EPHA7: variants seen among roughly 807,000 people sequenced by gnomAD.
EPHA7 encodes EPH receptor A7, also known as ephrin type-A receptor 7.
In EPHA7, 25 loss-of-function variants were observed where a neutral mutation model predicts 112.6. The observed-to-expected ratio is 0.22, with a 90% CI of 0.16 to 0.31. The LOEUF is 0.31. Ranked by LOEUF, EPHA7 falls within the 10% of genes least tolerant of loss-of-function variation. EPHA7 has a pLI of 1.00. For synonymous variants in EPHA7, 437 were observed against 406.5 expected (o/e 1.07, Z -0.90); for missense variants, 962 against 1,212.6 (o/e 0.79, Z 3.07).
intron 5 of EPHA7, among the ~76,000 whole-genome samples, chr6:93,334,126 T>G (rs1205009596): frequency 6.6e-6 from 1 of 151,944 alleles, no homozygotes; most frequent in African/African-American, 2.4e-5. Context: ...ATCTGATCCT[T>G]GACAAAGTCA....
intron 3 of EPHA7, among the ~76,000 whole-genome samples, chr6:93,376,720 G>C (rs761473001): frequency 5.3e-5 from 8 of 152,190 alleles, no homozygotes; most frequent in Non-Finnish European, 1.2e-4. Flanking sequence ...GGAAATGTAA[G>C]AGCTTTTTGA....
At chr6:93,372,979 TC>T (rs1186153918) in intron 3 of EPHA7, among the ~76,000 whole-genome samples, 2 of 152,052 alleles carry the variant, frequency 1.3e-5, no homozygotes, top group African/African-American at 4.8e-5. Flanking sequence ...ATGTAGTACT[TC>T]CTTCTGAATT....
At chr6:93,323,506 T>C (rs1362381929) in intron 5 of EPHA7, among the ~76,000 whole-genome samples, 1 of 151,506 alleles carries the variant, frequency 6.6e-6, no homozygotes, top group African/African-American at 2.4e-5. Context: ...TACAAATATA[T>C]ACTATTCATT....
intron 5 of EPHA7, among the ~76,000 whole-genome samples, chr6:93,331,694 T>C (rs1210828487): frequency 6.6e-6 from 1 of 151,630 alleles, no homozygotes. Context: ...TGCTTTCTCA[T>C]CCAATAACTT....
At chr6:93,359,384 TG>T (rs1335068192) in intron 3 of EPHA7, among the ~76,000 whole-genome samples, 14 of 150,052 alleles carry the variant, frequency 9.3e-5, no homozygotes, top group Non-Finnish European at 1.9e-4. Context: ...TATTATATAT[TG>T]AAGACATTCA....
At chr6:93,246,661 G>A in intron 15 of EPHA7, 131 bp downstream of exon 15, 1 of 669,688 alleles carries the variant, frequency 1.5e-6, no homozygotes, top group Non-Finnish European at 2.4e-6. Flanking sequence ...TTCAGTAAAT[G>A]CAATACATTT....
rs71542009 is a variant in EPHA7, at chr6:93,311,114, A to ATTTTTTTT, written c.1325-38700_1325-38693dup. Among the ~76,000 whole-genome samples the ATTTTTTTT allele has an allele frequency of 2.4e-3, 189 of 78,490 alleles. 22 individuals carry two copies. The highest frequency in any genetic ancestry group is 3.3e-3 in the East Asian group (11 of 3,288). The allele number at this position is 78,490 out of a possible 152,430, so 51.5% of individuals were successfully genotyped here. ...ACAGGCATGTGCATCATGCCCAGCT[A>ATTTTTTTT]TTTTTTTTTTTTTTTTTTTTTTTTT... On this transcript the variant is annotated intron_variant, in intron 5 of 16. Transcript: ENST00000369303.
intron 5 of EPHA7, among the ~76,000 whole-genome samples, chr6:93,316,890 AT>A (rs1358148773): frequency 1.3e-5 from 2 of 152,178 alleles, no homozygotes; most frequent in African/African-American, 4.8e-5. Flanking sequence ...TATTGAAAAC[AT>A]TTAGAAGCCA....
intron 5 of EPHA7, among the ~76,000 whole-genome samples, chr6:93,346,472 AG>A (rs1775411930): frequency 6.6e-6 from 1 of 151,840 alleles, no homozygotes; most frequent in African/African-American, 2.4e-5. Flanking sequence ...CAGTCAAGGA[AG>A]GATTAACCAA....
chr6:93,410,525 G>GGTAGGT lies in EPHA7; in HGVS notation c.807_808insACCTAC (p.Tyr269_Gln270insThrTyr). 6.2e-7 allele frequency: 1 copy of GGTAGGT among 1,610,422 alleles called. No individual in the cohort carries two copies. Among genetic ancestry groups the GGTAGGT allele is most frequent in the Non-Finnish European group, 8.5e-7 (1 of 1,178,728 alleles). ...CGTTCACAAGTGTCTCCTTTTTGCT[G>GGTAGGT]GTAGCCTGCTTTGCAGATACATTTT... On this transcript the variant is annotated inframe_insertion, in exon 3 of 17. Coordinates refer to ENST00000369303, the MANE Select transcript of EPHA7 (RefSeq NM_004440.4). This position sits in a 1 kb window ranked among gnomAD's most constrained non-coding sequence, Gnocchi z 4.0.
At chr6:93,334,339 G>A (rs1774749823) in intron 5 of EPHA7, among the ~76,000 whole-genome samples, 1 of 151,786 alleles carries the variant, frequency 6.6e-6, no homozygotes, top group Non-Finnish European at 1.5e-5. Context: ...ATAGGCCCTG[G>A]CAAAGATTTC....
intron 5 of EPHA7, among the ~76,000 whole-genome samples, chr6:93,292,918 A>G (rs1772455884): frequency 6.6e-6 from 1 of 152,158 alleles, no homozygotes; most frequent in Admixed American, 6.5e-5. Flanking sequence ...TGGAGAAGGT[A>G]TAAACTCTTT....
chr6:93,394,853 A>C (rs184616322), intron 3 of EPHA7, among the ~76,000 whole-genome samples: 1 of 151,824 alleles, frequency 6.6e-6, no homozygotes, highest in African/African-American at 2.4e-5. Context: ...GCTTTAACCT[A>C]TCTTTTCCCC....
In EPHA7 at chr6:93,240,483, A is replaced by G. The variant is rs1769644108; in HGVS notation, c.*2943T>C. 1 of 218,904 alleles carries G rather than the reference A, an allele frequency of 4.6e-6. No homozygotes were observed. The highest frequency in any genetic ancestry group is 5.8e-5 in the Admixed American group (1 of 17,288). 13.6% of individuals were successfully genotyped at this position (218,904 alleles called of 1,614,324 possible). On this transcript the variant is annotated 3_prime_UTR_variant, in exon 17 of 17. Transcript: ENST00000369303. ...ATAAGTATACAATATGATTCAACTA[A>G]TAGTGCTCTGACAAGCATAAACCAC...
chr6:93,287,482 T>C (rs1772125664), intron 5 of EPHA7, among the ~76,000 whole-genome samples: 1 of 151,936 alleles, frequency 6.6e-6, no homozygotes. Context: ...TCCTTGGCTT[T>C]TGTGGCACAT....
chr6:93,308,976 TC>T (rs1474888272), intron 5 of EPHA7, among the ~76,000 whole-genome samples: 1 of 151,254 alleles, frequency 6.6e-6, no homozygotes, highest in Non-Finnish European at 1.5e-5. Flanking sequence ...AACTACAGAG[TC>T]TTGCTCTGTC....
intron 1 of EPHA7, among the ~76,000 whole-genome samples, chr6:93,416,886 A>AGGGGC (rs1050222890): frequency 2.9e-5 from 4 of 138,358 alleles, no homozygotes; most frequent in South Asian, 2.6e-4. Context: ...GGGCCGTCGG[A>AGGGGC]GGGGCGGGGC....
At chr6:93,287,420 C>T (rs1772122132) in intron 5 of EPHA7, among the ~76,000 whole-genome samples, 1 of 151,938 alleles carries the variant, frequency 6.6e-6, no homozygotes, top group African/African-American at 2.4e-5. Flanking sequence ...TCAATCCCTA[C>T]TTTTCTTGGA....
chr6:93,379,168 G>A (rs1335130939), intron 3 of EPHA7, among the ~76,000 whole-genome samples: 1 of 152,044 alleles, frequency 6.6e-6, no homozygotes, highest in Non-Finnish European at 1.5e-5. Flanking sequence ...ACATAAATAT[G>A]TAATGAACTA....
Sources: gnomAD v4.1 joint callset for allele counts (sites outside exome capture counted in the v4.1 genomes callset) on GRCh38, gnomAD v4.1.1 for gene constraint, Gnocchi (gnomAD v3.1) non-coding constraint, MANE v1.5 for transcripts, NCBI Gene and HGNC (gene_info 2026-07-23, HGNC 2026-07-21) for gene names.